Variants in ITPKB observed in about 807,000 individuals in gnomAD.
The protein encoded by ITPKB is IP3 3-kinase B.
A neutral mutation model predicts 69.4 loss-of-function variants in ITPKB; 13 were observed. The observed-to-expected ratio is 0.19, with a 90% CI of 0.12 to 0.30. The LOEUF (loss-of-function observed/expected upper bound fraction) is 0.30. Among genes scored for constraint, ITPKB ranks in the 10% least tolerant of loss-of-function variants. The probability of loss-of-function intolerance (pLI) is 1.00; values close to 1 mark genes in which losing one functional copy is unlikely to be tolerated. For missense variants in ITPKB, 1,240 were observed against 1,250.5 expected, an observed-to-expected ratio of 0.99 and a Z score of 0.13; for synonymous variants, 584 against 513.7, an observed-to-expected ratio of 1.14 and a Z score of -1.85.
intron 2 of ITPKB, among the ~76,000 whole-genome samples, chr1:226,692,745 G>A (rs1205308297): frequency 6.6e-6 from 1 of 152,132 alleles, no homozygotes; most frequent in African/African-American, 2.4e-5. Flanking sequence ...TCACGCAGGG[G>A]ATTTATTCTT....
chr1:226,693,292 A>T (rs1656401485), intron 2 of ITPKB, among the ~76,000 whole-genome samples: 1 of 152,068 alleles, frequency 6.6e-6, no homozygotes, highest in Non-Finnish European at 1.5e-5. Flanking sequence ...AAGCAGTCAG[A>T]CCCTCCACCA....
chr1:226,720,739 G>A (rs1657215521), intron 2 of ITPKB, among the ~76,000 whole-genome samples: 1 of 152,186 alleles, frequency 6.6e-6, no homozygotes, highest in Non-Finnish European at 1.5e-5. Context: ...ATAACTCCCA[G>A]TGAATTTCAA....
chr1:226,705,483 C>T (rs768599176), intron 2 of ITPKB, among the ~76,000 whole-genome samples: 8 of 150,258 alleles, frequency 5.3e-5, no homozygotes, highest in Admixed American at 4.7e-4. Context: ...GAGCCAAGAT[C>T]GCACCATTGC....
At chr1:226,666,206 A>T (rs1669500268) in intron 2 of ITPKB, among the ~76,000 whole-genome samples, 1 of 152,202 alleles carries the variant, frequency 6.6e-6, no homozygotes. Context: ...CTGTGATACC[A>T]GAAGGGAGCA....
chr1:226,693,060 G>A (rs1375514533), intron 2 of ITPKB, among the ~76,000 whole-genome samples: 1 of 152,224 alleles, frequency 6.6e-6, no homozygotes, highest in African/African-American at 2.4e-5. Flanking sequence ...AGCAAGGCAG[G>A]CATGTGAGCC....
At position 226,737,200 on chromosome 1, in the gene ITPKB, CGCT is replaced by C. The variant is rs1448842994; in HGVS notation, c.256_258del (p.Ser86del). ...CTGCCGCTGCTGCCGCTGCCACTGC[CGCT>C]GCTACTATTCAGCCTGCGCCGGCCG... On this transcript the variant is annotated inframe_deletion, in exon 2 of 8. Transcript: ENST00000429204. 2 of 1,586,140 alleles carry C rather than the reference CGCT, an allele frequency of 1.3e-6. No homozygotes were observed. The highest frequency in any genetic ancestry group is 2.7e-5 in the African/African-American group (2 of 74,502).
intron 2 of ITPKB, among the ~76,000 whole-genome samples, chr1:226,705,259 G>A (rs987239947): frequency 2.0e-5 from 3 of 152,220 alleles, no homozygotes; most frequent in African/African-American, 7.2e-5. Flanking sequence ...GTCAGGCACA[G>A]TGGCTCACAC....
Position 226,647,494 on chromosome 1 carries a change from GT to G in ITPKB, c.2033-115del, listed in dbSNP as rs1669084847. The G allele has an allele frequency of 4.1e-6, 3 of 727,310 alleles. No homozygotes were observed. In the East Asian group the frequency reaches 8.1e-5, roughly 20 times the overall value. The allele number at this position is 727,310 out of a possible 1,614,324, so 45.1% of individuals were successfully genotyped here. A position where few individuals can be genotyped will look rare whatever the true frequency, so the allele number is the denominator to read the frequency against. On this transcript the variant is annotated intron_variant, in intron 3 of 7. Coordinates refer to ENST00000429204, the MANE Select transcript of ITPKB (RefSeq NM_002221.4). ...GGGATGGCTAAGCCTGGGGCTGAAG[GT>G]GTGTCTATGTCCCTGCTATGGACTG...
rs1668968937 is a variant in ITPKB at position 226,641,865 on chromosome 1, G to A, written c.2451+56C>T. On this transcript the variant is annotated intron_variant, in intron 5 of 7. Coordinates refer to ENST00000429204, the MANE Select transcript of ITPKB (RefSeq NM_002221.4). This position sits in a 1 kb window ranked among gnomAD's most constrained non-coding sequence, Gnocchi z 4.6. The stretch of plus-strand genomic sequence containing the variant: ...TCCAAAGGGCGCTGAGAGAAGCCAA[G>A]CCCCCTGAGGTGGGCACGGGTGGGG... 1 of 1,502,068 alleles carries A rather than the reference G, an allele frequency of 6.7e-7. No homozygotes were observed. Among genetic ancestry groups the A allele is most frequent in the Admixed American group, 1.8e-5 (1 of 56,218 alleles). 93.0% of individuals were successfully genotyped at this position (1,502,068 alleles called of 1,614,324 possible).
intron 2 of ITPKB, among the ~76,000 whole-genome samples, chr1:226,678,024 T>G (rs1655946849): frequency 6.6e-6 from 1 of 152,100 alleles, no homozygotes; most frequent in Non-Finnish European, 1.5e-5. Context: ...TTGAATACAT[T>G]GAAAACCATG....
At chr1:226,730,938 G>A (rs936568627) in intron 2 of ITPKB, among the ~76,000 whole-genome samples, 6 of 152,102 alleles carry the variant, frequency 3.9e-5, no homozygotes, top group Admixed American at 1.3e-4. Context: ...TAAAAACACC[G>A]ACTGACTGGT....
At position 226,672,187 on chromosome 1, in the gene ITPKB, A is replaced by C. The variant is rs553300614; in HGVS notation, c.1933-23416T>G. On this transcript the variant is annotated intron_variant, in intron 2 of 7. Transcript: ENST00000429204. ...TATCTGAGAATCCAAGCCCCCTTTA[A>C]TTATCAAACCCAGAGAGGCACCGAA... 2.6e-5 allele frequency among the ~76,000 whole-genome samples: 4 copies of C among 152,310 alleles called. No individual in the cohort carries two copies. The South Asian group carries it at 8.3e-4, about 32-fold the overall frequency.
intron 2 of ITPKB, among the ~76,000 whole-genome samples, chr1:226,679,398 T>C (rs1278260728): frequency 2.6e-5 from 4 of 152,200 alleles, no homozygotes; most frequent in Non-Finnish European, 5.9e-5. Flanking sequence ...GTTCTTCTGG[T>C]TCCAGCTCTG....
chr1:226,663,399 C>T (rs1178024864), intron 2 of ITPKB, among the ~76,000 whole-genome samples: 2 of 152,210 alleles, frequency 1.3e-5, no homozygotes, highest in Non-Finnish European at 2.9e-5. Flanking sequence ...ACCCTGGAAG[C>T]CTGCACGCCC....
chr1:226,645,919 C>G (rs187448454), intron 4 of ITPKB, among the ~76,000 whole-genome samples: 1 of 152,136 alleles, frequency 6.6e-6, no homozygotes, highest in Non-Finnish European at 1.5e-5. Context: ...GAGAACACAA[C>G]AGTCAGTGGC....
chr1:226,658,772 AT>A (rs1415225047), intron 2 of ITPKB, among the ~76,000 whole-genome samples: 1 of 152,028 alleles, frequency 6.6e-6, no homozygotes, highest in Non-Finnish European at 1.5e-5. Context: ...TAGGGTAGGG[AT>A]TACTGAGCGC....
At position 226,655,228 on chromosome 1, in the gene ITPKB, T is replaced by A. The variant is rs528499394; in HGVS notation, c.1933-6457A>T. Among the ~76,000 whole-genome samples, 13 of 152,324 alleles carry A rather than the reference T, an allele frequency of 8.5e-5. No homozygotes were observed. In the East Asian group the frequency reaches 2.1e-3, roughly 25 times the overall value. ...TTAGCTATCATCAGGATCATCTACATAACATGCAAAATGAAAATGAGGGGT... is the reference window on the plus strand; with the variant it reads ...TTAGCTATCATCAGGATCATCTACAAAACATGCAAAATGAAAATGAGGGGT... On this transcript the variant is annotated intron_variant, in intron 2 of 7. Coordinates refer to ENST00000429204, the MANE Select transcript of ITPKB (RefSeq NM_002221.4).
chr1:226,648,625 A>C, intron 3 of ITPKB, 47 bp downstream of exon 3: 1 of 1,207,802 alleles, frequency 8.3e-7, no homozygotes, highest in Non-Finnish European at 1.2e-6. Flanking sequence ...GCACCTCCCC[A>C]GAGGGCTGAG....
intron 2 of ITPKB, among the ~76,000 whole-genome samples, chr1:226,720,928 G>C (rs1381313444): frequency 6.6e-6 from 1 of 151,988 alleles, no homozygotes; most frequent in Non-Finnish European, 1.5e-5. Context: ...TGTAATCCCA[G>C]CTACTCAGGA....
Sources: allele counts gnomAD v4.1 joint callset (sites outside exome capture counted in the v4.1 genomes callset), GRCh38; gene constraint gnomAD v4.1.1; non-coding constraint Gnocchi (gnomAD v3.1); transcripts MANE v1.5; gene names NCBI Gene and HGNC (gene_info 2026-07-23, HGNC 2026-07-21).